Variants in TRAPPC9 observed in about 807,000 individuals in gnomAD.
The protein encoded by TRAPPC9 is IKK2 binding protein.
Under a neutral mutation model 124.0 loss-of-function variants are expected in TRAPPC9, and 83 were observed. The observed-to-expected ratio is 0.67, with a 90% CI of 0.56 to 0.80. TRAPPC9 has a LOEUF of 0.80. Ranked by LOEUF, TRAPPC9 falls within the 30% of genes least tolerant of loss-of-function variation. TRAPPC9 has a pLI of 0.00. For missense variants in TRAPPC9, 1,302 were observed against 1,508.3 expected, an observed-to-expected ratio of 0.86 and a Z score of 2.27; for synonymous variants, 638 against 617.5, an observed-to-expected ratio of 1.03 and a Z score of -0.49.
chr8:139,925,282 C>T (rs914097448), intron 19 of TRAPPC9, among the ~76,000 whole-genome samples: 5 of 152,222 alleles, frequency 3.3e-5, no homozygotes, highest in Admixed American at 1.3e-4. Flanking sequence ...ACAGAAATAT[C>T]GCCTTTCTGC....
chr8:139,957,665 G>T (rs377098100), intron 19 of TRAPPC9, among the ~76,000 whole-genome samples: 25 of 152,274 alleles, frequency 1.6e-4, no homozygotes, highest in African/African-American at 5.8e-4. Flanking sequence ...ACATTCCCTG[G>T]CCCAGAAGGC....
intron 21 of TRAPPC9, among the ~76,000 whole-genome samples, chr8:139,846,200 A>C (rs1272139816): frequency 2.6e-5 from 4 of 152,244 alleles, no homozygotes; most frequent in Non-Finnish European, 5.9e-5. Flanking sequence ...CTGTGTGAAC[A>C]GTCCCAGCAA....
chr8:140,094,612 G>A (rs1026995850), intron 17 of TRAPPC9, among the ~76,000 whole-genome samples: 1 of 152,232 alleles, frequency 6.6e-6, no homozygotes, highest in Admixed American at 6.5e-5. Context: ...AGGCAGCAGA[G>A]TAGAGGGGAG....
At position 140,065,497 on chromosome 8, in the gene TRAPPC9, T is replaced by C. The variant is rs142574274; in HGVS notation, c.2557-41418A>G. ...AGAAGTCAATGCCTGGCTTCAAAGC[T>C]TGAAAGAACAGGCTGACTGTCTTGT... On this transcript the variant is annotated intron_variant, in intron 17 of 22. Transcript: ENST00000438773. Among the ~76,000 whole-genome samples the C allele has an allele frequency of 9.2e-5, 14 of 152,334 alleles. No individual in the cohort carries two copies. In the East Asian group the frequency reaches 2.7e-3, roughly 29 times the overall value.
chr8:140,335,038 C>T (rs2066998170), intron 9 of TRAPPC9, among the ~76,000 whole-genome samples: 1 of 151,922 alleles, frequency 6.6e-6, no homozygotes, highest in Non-Finnish European at 1.5e-5. Flanking sequence ...ATGCAATGAG[C>T]CTAGAAAGAT....
intron 7 of TRAPPC9, among the ~76,000 whole-genome samples, chr8:140,396,431 G>A (rs990529245): frequency 6.6e-6 from 1 of 152,004 alleles, no homozygotes. Flanking sequence ...GTGAGCCACT[G>A]CGCCTGGCCA....
At chr8:140,192,428 C>A (rs1055003757) in intron 17 of TRAPPC9, among the ~76,000 whole-genome samples, 1 of 152,204 alleles carries the variant, frequency 6.6e-6, no homozygotes, top group Non-Finnish European at 1.5e-5. Context: ...AGTCAACAGG[C>A]CCAATCGTCC....
At chr8:140,198,956 G>A (rs1411354161) in intron 17 of TRAPPC9, among the ~76,000 whole-genome samples, 2 of 151,916 alleles carry the variant, frequency 1.3e-5, no homozygotes, top group African/African-American at 4.9e-5. Context: ...CGGAAAGAGG[G>A]AGACAGATGA....
chr8:140,016,250 C>T (rs967708883), intron 18 of TRAPPC9, among the ~76,000 whole-genome samples: 15 of 152,102 alleles, frequency 9.9e-5, no homozygotes, highest in Non-Finnish European at 2.1e-4. Flanking sequence ...TGTCTACAAC[C>T]CTATAACCCA....
chr8:140,031,789 G>T (rs574658380), intron 17 of TRAPPC9, among the ~76,000 whole-genome samples: 2 of 152,342 alleles, frequency 1.3e-5, no homozygotes, highest in Admixed American at 6.5e-5. Context: ...GCAGGGATGG[G>T]TTTGAACAAC....
intron 21 of TRAPPC9, among the ~76,000 whole-genome samples, chr8:139,784,974 A>G (rs1413962003): frequency 1.3e-5 from 2 of 152,200 alleles, no homozygotes; most frequent in African/African-American, 2.4e-5. Flanking sequence ...GAAGATTCAT[A>G]TGGAAATACA....
chr8:140,075,704 G>A (rs991931452), intron 17 of TRAPPC9, among the ~76,000 whole-genome samples: 1 of 152,214 alleles, frequency 6.6e-6, no homozygotes, highest in African/African-American at 2.4e-5. Flanking sequence ...TTTTCCATAG[G>A]AGAAAAGAAG....
chr8:140,194,265 A>G (rs2062579493), intron 17 of TRAPPC9, among the ~76,000 whole-genome samples: 1 of 147,512 alleles, frequency 6.8e-6, no homozygotes, highest in Non-Finnish European at 1.5e-5. Context: ...GCACCCCTTC[A>G]CACCCCACCC....
At chr8:139,998,489 C>T (rs1366011879) in intron 18 of TRAPPC9, among the ~76,000 whole-genome samples, 3 of 152,152 alleles carry the variant, frequency 2.0e-5, no homozygotes, top group Non-Finnish European at 2.9e-5. Context: ...GAGGCCAAGG[C>T]GGGTGGATCA....
intron 21 of TRAPPC9, among the ~76,000 whole-genome samples, chr8:139,878,434 T>A (rs1431671442): frequency 6.6e-6 from 1 of 152,200 alleles, no homozygotes; most frequent in Non-Finnish European, 1.5e-5. Flanking sequence ...GAGAATATAT[T>A]CCTTTCATGA....
intron 19 of TRAPPC9, among the ~76,000 whole-genome samples, chr8:139,987,691 T>C (rs996923344): frequency 1.3e-5 from 2 of 152,128 alleles, no homozygotes; most frequent in African/African-American, 4.8e-5. Flanking sequence ...GAATTCCATG[T>C]GTAAGTGTGT....
At chr8:140,119,932 C>A (rs1254099919) in intron 17 of TRAPPC9, among the ~76,000 whole-genome samples, 1 of 152,250 alleles carries the variant, frequency 6.6e-6, no homozygotes, top group Non-Finnish European at 1.5e-5. Flanking sequence ...CTATACACAT[C>A]TCAGTACCCT....
At chr8:139,783,198 G>T (rs1821958504) in intron 21 of TRAPPC9, among the ~76,000 whole-genome samples, 1 of 151,918 alleles carries the variant, frequency 6.6e-6, no homozygotes, top group Non-Finnish European at 1.5e-5. Context: ...GGAAATCAAT[G>T]AAATAACAAA....
chr8:140,088,535 CAAA>C (rs1476474628), intron 17 of TRAPPC9, among the ~76,000 whole-genome samples: 2 of 152,146 alleles, frequency 1.3e-5, no homozygotes, highest in Non-Finnish European at 2.9e-5. Flanking sequence ...TAACCCTTAA[CAAA>C]GAAGAAATGG....
Sources: allele counts gnomAD v4.1 joint callset (sites outside exome capture counted in the v4.1 genomes callset), GRCh38; gene constraint gnomAD v4.1.1; transcripts MANE v1.5; gene names NCBI Gene and HGNC (gene_info 2026-07-23, HGNC 2026-07-21).